Variants in CDH12 observed in about 807,000 individuals in gnomAD.
The protein encoded by CDH12 is cadherin-12.
Under a neutral mutation model 74.1 loss-of-function variants are expected in CDH12, and 41 were observed. The observed-to-expected ratio is 0.55, with a 90% CI of 0.43 to 0.72. The LOEUF (loss-of-function observed/expected upper bound fraction) is 0.72, where lower values mean the gene tolerates loss of function less well. CDH12 is among the 30% of genes least tolerant of loss of function. The probability of loss-of-function intolerance (pLI) is 0.00; values close to 1 mark genes in which losing one functional copy is unlikely to be tolerated. For missense variants in CDH12, 945 were observed against 977.2 expected, an observed-to-expected ratio of 0.97 and a Z score of 0.44; for synonymous variants, 399 against 355.0, an observed-to-expected ratio of 1.12 and a Z score of -1.39.
At chr5:22,048,166 C>T (rs371243278) in intron 5 of CDH12, among the ~76,000 whole-genome samples, 1 of 152,046 alleles carries the variant, frequency 6.6e-6, no homozygotes, top group Non-Finnish European at 1.5e-5. Context: ...AGTCTTTTTT[C>T]TTTCTCATCA....
chr5:22,690,869 G>A (rs1742046060), intron 1 of CDH12, among the ~76,000 whole-genome samples: 1 of 151,894 alleles, frequency 6.6e-6, no homozygotes, highest in Admixed American at 6.6e-5. Context: ...TATTTCTCAT[G>A]AGACAGTTTT....
At chr5:21,938,597 A>T (rs1755176526) in intron 6 of CDH12, among the ~76,000 whole-genome samples, 1 of 149,446 alleles carries the variant, frequency 6.7e-6, no homozygotes, top group South Asian at 2.1e-4. Context: ...GGTTAAATAA[A>T]TCTCAGGCAG....
intron 1 of CDH12, among the ~76,000 whole-genome samples, chr5:22,535,217 C>T (rs1195668506): frequency 7.0e-6 from 1 of 143,522 alleles, no homozygotes; most frequent in Non-Finnish European, 1.5e-5. Flanking sequence ...TGCAGTGGCG[C>T]GGTCTTGGCT....
At chr5:22,419,638 T>C (rs1422348393) in intron 2 of CDH12, among the ~76,000 whole-genome samples, 5 of 152,204 alleles carry the variant, frequency 3.3e-5, no homozygotes, top group African/African-American at 4.8e-5. Context: ...TATAATAGAA[T>C]GATTTATATT....
At chr5:22,836,167 T>G (rs1272496321) in intron 1 of CDH12, among the ~76,000 whole-genome samples, 3 of 150,730 alleles carry the variant, frequency 2.0e-5, no homozygotes, top group Non-Finnish European at 4.4e-5. Context: ...GAAATAATTA[T>G]GTGACACTAG....
chr5:22,568,717 T>C (rs1739404225), intron 1 of CDH12, among the ~76,000 whole-genome samples: 1 of 152,176 alleles, frequency 6.6e-6, no homozygotes, highest in Non-Finnish European at 1.5e-5. Context: ...TTCCAGACCA[T>C]AAGAATAAAG....
chr5:22,307,901 G>C (rs1284944956), intron 3 of CDH12, among the ~76,000 whole-genome samples: 1 of 9,122 alleles, frequency 1.1e-4, no homozygotes, highest in Non-Finnish European at 3.0e-4. Flanking sequence ...TTTTTTTTGA[G>C]ACAGAGTCTC....
At position 22,520,894 on chromosome 5, in the gene CDH12, G is replaced by A. The variant is rs77043226; in HGVS notation, c.-522-15530C>T. ...CGTAAGTATATTGCACGTGGTTTCC[G>A]TTAGTTATTTATTATGAATCCTCTT... On this transcript the variant is annotated intron_variant, in intron 1 of 14. Coordinates refer to ENST00000382254, the MANE Select transcript of CDH12 (RefSeq NM_004061.5). 8.3e-3 allele frequency among the ~76,000 whole-genome samples: 1,262 copies of A among 151,962 alleles called. 19 individuals carry two copies. The highest frequency in any genetic ancestry group is 0.029 in the African/African-American group (1,199 of 41,492).
chr5:21,849,569 T>C (rs370896491), intron 7 of CDH12, among the ~76,000 whole-genome samples: 16 of 151,962 alleles, frequency 1.1e-4, no homozygotes, highest in African/African-American at 3.9e-4. Flanking sequence ...TGCTATCCCA[T>C]AATCAATTCT....
At chr5:22,654,212 TTCTTTTTGTTTC>T in intron 1 of CDH12, among the ~76,000 whole-genome samples, 1 of 151,632 alleles carries the variant, frequency 6.6e-6, no homozygotes. Flanking sequence ...CTTTCTTTCT[TTCTTTTTGTTTC>T]TTTGTTTCTT....
At chr5:22,303,052 C>CA (rs758435170) in intron 3 of CDH12, among the ~76,000 whole-genome samples, 2 of 151,010 alleles carry the variant, frequency 1.3e-5, no homozygotes, top group South Asian at 4.2e-4. Context: ...GAGCTAGAGG[C>CA]AAAAAAAATG....
chr5:22,778,252 T>C (rs1292294986), intron 1 of CDH12, among the ~76,000 whole-genome samples: 2 of 152,234 alleles, frequency 1.3e-5, no homozygotes, highest in Non-Finnish European at 2.9e-5. Flanking sequence ...TTCAGCCTTG[T>C]GGGCTTGCTA....
At chr5:22,774,129 T>C (rs995656803) in intron 1 of CDH12, among the ~76,000 whole-genome samples, 1 of 152,140 alleles carries the variant, frequency 6.6e-6, no homozygotes, top group African/African-American at 2.4e-5. Context: ...TATTACTTGG[T>C]ATATATCCAT....
chr5:22,380,256 T>A (rs901094132), intron 3 of CDH12, among the ~76,000 whole-genome samples: 2 of 152,172 alleles, frequency 1.3e-5, no homozygotes, highest in Non-Finnish European at 2.9e-5. Flanking sequence ...AAAAAATTAA[T>A]CAACCTCCAC....
At chr5:22,451,545 G>C (rs1277268361) in intron 2 of CDH12, among the ~76,000 whole-genome samples, 2 of 151,710 alleles carry the variant, frequency 1.3e-5, no homozygotes, top group Non-Finnish European at 2.9e-5. Flanking sequence ...CAATAAATTA[G>C]GTATAGAAGG....
intron 3 of CDH12, among the ~76,000 whole-genome samples, chr5:22,379,962 T>C (rs1223602442): frequency 6.6e-6 from 1 of 152,134 alleles, no homozygotes; most frequent in Non-Finnish European, 1.5e-5. Flanking sequence ...TCTCTCTATT[T>C]TACCTAGGCT....
intron 5 of CDH12, among the ~76,000 whole-genome samples, chr5:22,018,306 A>G (rs1416857381): frequency 6.6e-6 from 1 of 152,158 alleles, no homozygotes; most frequent in Admixed American, 6.5e-5. Context: ...AAATGATAGC[A>G]TACATCTTTA....
chr5:21,875,974 C>T (rs564468556), intron 6 of CDH12, among the ~76,000 whole-genome samples: 2 of 151,494 alleles, frequency 1.3e-5, no homozygotes, highest in East Asian at 3.9e-4. Flanking sequence ...CGGTTCACCA[C>T]AACCTCTGCC....
chr5:21,791,762 A>T (rs1746512337), intron 10 of CDH12, among the ~76,000 whole-genome samples: 1 of 151,802 alleles, frequency 6.6e-6, no homozygotes, highest in Admixed American at 6.6e-5. Flanking sequence ...CATTTGAGAG[A>T]GTATGGTTTT....
Sources: allele counts gnomAD v4.1 joint callset (sites outside exome capture counted in the v4.1 genomes callset), GRCh38; gene constraint gnomAD v4.1.1; transcripts MANE v1.5; gene names NCBI Gene and HGNC (gene_info 2026-07-23, HGNC 2026-07-21).